The following FBXO47 variants were observed in gnomAD, a reference collection of about 807,000 sequenced individuals.
FBXO47 encodes F-box protein 47, also known as F-box only protein 47.
FBXO47 carries 34 observed loss-of-function variants against 53.9 expected under a neutral mutation model. That is an observed-to-expected ratio of 0.63 (90% CI 0.48 to 0.84). The LOEUF (loss-of-function observed/expected upper bound fraction) is 0.84. FBXO47 is among the 40% of genes least tolerant of loss of function. The pLI is 0.00. For missense variants in FBXO47, 485 were observed against 541.3 expected (o/e 0.90, Z 1.03); for synonymous variants, 165 against 181.6 (o/e 0.91, Z 0.73).
chr17:38,955,348 ATGGCACTCCAGCC>A (rs1905498240), intron 4 of FBXO47, among the ~76,000 whole-genome samples: 1 of 150,274 alleles, frequency 6.7e-6, no homozygotes, highest in African/African-American at 2.4e-5. Flanking sequence ...AGACCGTGCC[ATGGCACTCCAGCC>A]TGGGTGACAG....
At chr17:38,963,776 TTTG>T (rs949119554) in intron 1 of FBXO47, among the ~76,000 whole-genome samples, 24 of 151,080 alleles carry the variant, frequency 1.6e-4, no homozygotes, top group Middle Eastern at 3.4e-3. Context: ...TTTGTTGGTT[TTTG>T]TTGTTGTTGT....
intron 6 of FBXO47, among the ~76,000 whole-genome samples, chr17:38,946,034 TATAA>T (rs1164412518): frequency 1.7e-5 from 2 of 114,616 alleles, no homozygotes; most frequent in African/African-American, 7.7e-5. Flanking sequence ...TAAAAATATA[TATAA>T]ATATATATAA....
At chr17:38,964,839 T>C (rs1906018281) in intron 1 of FBXO47, among the ~76,000 whole-genome samples, 1 of 152,034 alleles carries the variant, frequency 6.6e-6, no homozygotes, top group African/African-American at 2.4e-5. Flanking sequence ...TTTAGACAGA[T>C]TATCGCTCTA....
intron 4 of FBXO47, among the ~76,000 whole-genome samples, chr17:38,956,710 A>G (rs1050956119): frequency 6.6e-6 from 1 of 152,200 alleles, no homozygotes; most frequent in Non-Finnish European, 1.5e-5. Context: ...TGAGTCTTAT[A>G]AAGAGACTAT....
At chr17:38,961,602 A>G (rs1230186271) in intron 3 of FBXO47, among the ~76,000 whole-genome samples, 4 of 152,196 alleles carry the variant, frequency 2.6e-5, no homozygotes, top group Non-Finnish European at 4.4e-5. Flanking sequence ...AAATACATCA[A>G]TTTCCTAACC....
intron 5 of FBXO47, 104 bp from the exon 6 acceptor site, chr17:38,951,793 G>C: frequency 1.4e-6 from 1 of 733,966 alleles, no homozygotes; most frequent in South Asian, 1.7e-5. Flanking sequence ...CACTTTGGGA[G>C]GCCAAGGTGG....
intron 6 of FBXO47, among the ~76,000 whole-genome samples, chr17:38,945,833 G>A (rs903540196): frequency 4.0e-5 from 6 of 150,144 alleles, no homozygotes; most frequent in Non-Finnish European, 7.4e-5. Flanking sequence ...CTACTTGGGA[G>A]ACTGAGGCAG....
At chr17:38,957,037 AG>A (rs923267672) in intron 4 of FBXO47, 139 bp downstream of exon 4, 34 of 530,852 alleles carry the variant, frequency 6.4e-5, no homozygotes, top group Non-Finnish European at 1.1e-4. Flanking sequence ...TACTTGGTAA[AG>A]TATTAGATTA....
chr17:38,945,237 G>A (rs949770355), intron 6 of FBXO47, 101 bp from the exon 7 acceptor site: 3 of 796,820 alleles, frequency 3.8e-6, no homozygotes, highest in Admixed American at 4.9e-5. Flanking sequence ...GTTAGTGATA[G>A]TAAACTAGGT....
At chr17:38,966,944 A>G (rs1906161146) in intron 1 of FBXO47, among the ~76,000 whole-genome samples, 1 of 152,058 alleles carries the variant, frequency 6.6e-6, no homozygotes, top group Admixed American at 6.6e-5. Flanking sequence ...CGCGCGTGAA[A>G]GGTTTTGAGG....
At chr17:38,963,544 G>A (rs535334775) in intron 1 of FBXO47, among the ~76,000 whole-genome samples, 1 of 151,274 alleles carries the variant, frequency 6.6e-6, no homozygotes, top group African/African-American at 2.4e-5. Context: ...TTTTTTTATT[G>A]TTTCGAACAA....
At chr17:38,944,191 A>ATATGTG (rs1555560305) in intron 7 of FBXO47, among the ~76,000 whole-genome samples, 1 of 133,704 alleles carries the variant, frequency 7.5e-6, no homozygotes, top group African/African-American at 2.9e-5. Flanking sequence ...CAAAAAAAAC[A>ATATGTG]TGTGTGTGTG....
intron 10 of FBXO47, 57 bp downstream of exon 10, chr17:38,938,516 G>C: frequency 4.7e-6 from 6 of 1,263,542 alleles, no homozygotes; most frequent in Non-Finnish European, 6.5e-6. Flanking sequence ...TCTGTTTTAG[G>C]TGGAGACTAG....
intron 4 of FBXO47, among the ~76,000 whole-genome samples, chr17:38,956,044 G>A (rs1905537887): frequency 1.3e-5 from 2 of 151,398 alleles, no homozygotes; most frequent in Non-Finnish European, 2.9e-5. Flanking sequence ...GCTGAGGCAG[G>A]AGAATGGCGT....
At chr17:38,942,537 T>A (rs1013786193) in intron 9 of FBXO47, among the ~76,000 whole-genome samples, 7 of 152,104 alleles carry the variant, frequency 4.6e-5, no homozygotes, top group Non-Finnish European at 8.8e-5. Context: ...GAAGTTGCGG[T>A]GAGCCGAGAT....
rs1555559725 is a variant in FBXO47 at position 38,939,323 on chromosome 17, A to AATATATATATAT, written c.1084-603_1084-592dup. Among the ~76,000 whole-genome samples, 315 of 50,130 alleles carry AATATATATATAT rather than the reference A, an allele frequency of 6.3e-3. 3 individuals are homozygous for AATATATATATAT. The highest frequency in any genetic ancestry group is 0.014 in the African/African-American group (182 of 13,268). 32.9% of individuals were successfully genotyped at this position (50,130 alleles called of 152,430 possible). On this transcript the variant is annotated intron_variant, in intron 9 of 10. Coordinates refer to ENST00000378079, the MANE Select transcript of FBXO47 (RefSeq NM_001008777.3). Reference sequence around the variant, plus strand: ...AAAAAAAAAAAAAAAAAAAAAAAAAAATATATATATATATATATATATGTA... The same window carrying AATATATATATAT: ...AAAAAAAAAAAAAAAAAAAAAAAAAAATATATATATATATATATATATATATATATATATGTA...
intron 6 of FBXO47, among the ~76,000 whole-genome samples, chr17:38,945,453 G>T (rs1567715849): frequency 6.6e-6 from 1 of 152,210 alleles, no homozygotes; most frequent in East Asian, 1.9e-4. Context: ...AAAGGTCAAA[G>T]ACATATATCA....
rs1229494199 is a variant in FBXO47, at chr17:38,962,020, A to T, written c.209T>A (p.Val70Glu). 1 of 1,613,066 alleles carries T rather than the reference A, an allele frequency of 6.2e-7. No individual in the cohort carries two copies. The highest frequency in any genetic ancestry group is 2.2e-5 in the East Asian group (1 of 44,860). The change falls in exon 3 of 11, where the codon GTG becomes GAG. Residue 70 changes from valine (V) to glutamate (E), a missense_variant. By Grantham distance (121) the Val-to-Glu change is moderately radical (BLOSUM62 -2). Coordinates refer to ENST00000378079, the MANE Select transcript of FBXO47 (RefSeq NM_001008777.3). ...SVKDISMLSM[V>E]SKTVSQHIIN... ...AATGTGTTGGCTGACTGTTTTGGAC[A>T]CCATGCTTAGCATGCTGATATCCTT...
chr17:38,956,859 A>G (rs766684625), intron 4 of FBXO47, among the ~76,000 whole-genome samples: 1 of 152,194 alleles, frequency 6.6e-6, no homozygotes, highest in Non-Finnish European at 1.5e-5. Context: ...CTTTAATACA[A>G]TATCTACATC....
Sources: allele counts gnomAD v4.1 joint callset (sites outside exome capture counted in the v4.1 genomes callset), GRCh38; gene constraint gnomAD v4.1.1; transcripts MANE v1.5; gene names NCBI Gene and HGNC (gene_info 2026-07-23, HGNC 2026-07-21).